Variants in SVEP1 observed in about 807,000 individuals in gnomAD.
SVEP1 encodes sushi, von Willebrand factor type A, EGF and pentraxin domain containing 1.
SVEP1 carries 164 observed loss-of-function variants against 367.3 expected under a neutral mutation model. The ratio of observed to expected loss-of-function variants is 0.45; its 90% CI spans 0.39 to 0.51. The LOEUF (loss-of-function observed/expected upper bound fraction) is 0.51. Ranked by LOEUF, SVEP1 falls within the 20% of genes least tolerant of loss-of-function variation. The pLI is 0.00. For synonymous variants in SVEP1, 1,666 were observed against 1,611.6 expected, an observed-to-expected ratio of 1.03 and a Z score of -0.81; for missense variants, 4,117 against 4,425.3, an observed-to-expected ratio of 0.93 and a Z score of 1.98.
chr9:110,510,323 C>G (rs906016918), intron 5 of SVEP1, among the ~76,000 whole-genome samples: 15 of 152,222 alleles, frequency 9.9e-5, no homozygotes, highest in African/African-American at 3.6e-4. Flanking sequence ...TCTTCTGTTT[C>G]CAAGCTCCTT....
At chr9:110,535,475 T>A (rs940471735) in intron 3 of SVEP1, among the ~76,000 whole-genome samples, 2 of 152,226 alleles carry the variant, frequency 1.3e-5, no homozygotes, top group African/African-American at 4.8e-5. Flanking sequence ...TTTTCTTTTT[T>A]CTTAGGATTG....
intron 43 of SVEP1, among the ~76,000 whole-genome samples, chr9:110,383,672 G>A (rs1452752871): frequency 1.3e-5 from 2 of 152,194 alleles, no homozygotes; most frequent in Non-Finnish European, 2.9e-5. Flanking sequence ...CACTAGTCCA[G>A]CCTGCCTGGA....
At chr9:110,377,433 T>G in intron 44 of SVEP1, 67 bp from the exon 45 acceptor site, 1 of 1,458,542 alleles carries the variant, frequency 6.9e-7, no homozygotes, top group Non-Finnish European at 9.6e-7. Context: ...GAAAATAGAA[T>G]TGCCCCTTTA....
intron 45 of SVEP1, 67 bp downstream of exon 45, chr9:110,377,204 C>A (rs745962049): frequency 2.8e-6 from 4 of 1,446,314 alleles, no homozygotes; most frequent in South Asian, 1.2e-5. Flanking sequence ...TTCCTGGTAA[C>A]TCCCCTCAGG....
chr9:110,494,199 CT>C (rs1829411853), intron 8 of SVEP1, among the ~76,000 whole-genome samples: 7 of 152,166 alleles, frequency 4.6e-5, no homozygotes. Context: ...ACAAGGATAT[CT>C]TTGAGGTAGC....
Position 110,499,112 on chromosome 9 carries a change from C to T in SVEP1, c.1610G>A (p.Gly537Glu). ...VSCRQGFILS[G>E]VKEMLRCTTS... is the part of the protein sequence containing the mutation. ...GGTACATCTCAGCATTTCTTTGACT[C>T]CAGATAAAATGAACCCTTGGCGGCA... The change falls in exon 7 of 48, where the codon GGA (glycine) becomes GAA (glutamate). Residue 537 changes from glycine (G) to glutamate (E), a missense_variant. This residue lies in a region of SVEP1 where 2,174 missense variants were observed against 2,494.3 expected (regional missense o/e 0.87). Coordinates refer to ENST00000374469, the MANE Select transcript of SVEP1 (RefSeq NM_153366.4). 6.2e-7 allele frequency: 1 copy of T among 1,613,760 alleles called. No homozygotes were observed. The highest frequency in any genetic ancestry group is 1.1e-5 in the South Asian group (1 of 91,062).
intron 1 of SVEP1, among the ~76,000 whole-genome samples, chr9:110,555,443 T>G (rs2118861886): frequency 6.6e-6 from 1 of 152,308 alleles, no homozygotes; most frequent in African/African-American, 2.4e-5. Context: ...TATAGTTTTG[T>G]ACACCAAAGA....
chr9:110,570,592 T>C (rs1830544322), intron 1 of SVEP1, among the ~76,000 whole-genome samples: 1 of 151,816 alleles, frequency 6.6e-6, no homozygotes, highest in Admixed American at 6.6e-5. Context: ...GCAATTCTCC[T>C]GCCTCCGTCT....
intron 36 of SVEP1, 52 bp downstream of exon 36, chr9:110,427,539 G>A (rs1828274025): frequency 1.3e-6 from 2 of 1,570,548 alleles, no homozygotes; most frequent in Non-Finnish European, 1.7e-6. Context: ...GCAGTCAGGA[G>A]CATCCACTTC....
intron 38 of SVEP1, 62 bp from the exon 39 acceptor site, chr9:110,404,614 C>G: frequency 6.7e-7 from 1 of 1,499,798 alleles, no homozygotes; most frequent in Non-Finnish European, 9.3e-7. Context: ...CTGATCTATC[C>G]TTGGATTTAG....
At chr9:110,435,880 T>C (rs548530351) in intron 28 of SVEP1, among the ~76,000 whole-genome samples, 1 of 152,298 alleles carries the variant, frequency 6.6e-6, no homozygotes, top group South Asian at 2.1e-4. Flanking sequence ...ATAAGAAAAC[T>C]GAAACTCAGT....
Position 110,407,634 on chromosome 9 carries a change from C to G in SVEP1, c.7966G>C (p.Ala2656Pro). ...VTPHPPYHLG[A>P]VAKTWENTKE... ...GTATTTTCCCAGGTTTTAGCCACTG[C>G]TCCCAAATGATAAGGAGGGTGAGGA... Residue 2656 changes from alanine (A) to proline (P), a missense_variant, in exon 38 of 48, where the codon GCA becomes CCA. Physicochemically the swap from Ala to Pro is conservative, Grantham distance 27. This residue lies in a region of SVEP1 where 1,765 missense variants were observed against 1,781.1 expected (regional missense o/e 0.99). Transcript: ENST00000374469. 6.2e-7 allele frequency: 1 copy of G among 1,613,994 alleles called. No individual in the cohort carries two copies. The highest frequency in any genetic ancestry group is 8.5e-7 in the Non-Finnish European group (1 of 1,179,870).
At chr9:110,435,102 T>G in intron 29 of SVEP1, 139 bp downstream of exon 29, 1 of 901,198 alleles carries the variant, frequency 1.1e-6, no homozygotes, top group Non-Finnish European at 1.5e-6. Context: ...ATAGGGTAAA[T>G]ATGAATTACT....
intron 27 of SVEP1, among the ~76,000 whole-genome samples, chr9:110,437,135 T>C (rs1439496147): frequency 6.6e-6 from 1 of 152,166 alleles, no homozygotes; most frequent in Non-Finnish European, 1.5e-5. Context: ...ATCACCCAGC[T>C]TCCTTGCCCC....
In SVEP1 at chr9:110,574,740, C is replaced by CTTT. The variant is rs1564180524; in HGVS notation, c.531+4272_531+4273insAAA. 1.3e-4 allele frequency among the ~76,000 whole-genome samples: 14 copies of CTTT among 106,338 alleles called. 2 individuals are homozygous for CTTT. Among genetic ancestry groups the CTTT allele is most frequent in the African/African-American group, 1.3e-4 (4 of 30,832 alleles). The allele number at this position is 106,338 out of a possible 152,430, so 69.8% of individuals were successfully genotyped here. The stretch of plus-strand genomic sequence containing the variant: ...TAGACAGGGACTGAGTCCAGTCGAC[C>CTTT]TTCTTTTTTTTTTTTTTTTTTTTTT... On this transcript the variant is annotated intron_variant, in intron 1 of 47. Transcript: ENST00000374469.
In SVEP1 at chr9:110,411,506, G is replaced by C. The variant is rs764299953; in HGVS notation, c.6205C>G (p.Pro2069Ala). 6.2e-7 allele frequency: 1 copy of C among 1,614,052 alleles called. No individual in the cohort carries two copies. Among genetic ancestry groups the C allele is most frequent in the South Asian group, 1.1e-5 (1 of 91,084 alleles). ...LLCNAQGKWV[P>A]PEGQDMPRCI... Reference sequence around the variant, plus strand: ...CGGGGCATGTCTTGACCTTCTGGGGGTACCCACTTGCCCTGGGCATTGCAG... The same window carrying C: ...CGGGGCATGTCTTGACCTTCTGGGGCTACCCACTTGCCCTGGGCATTGCAG... The change falls in exon 37 of 48, where the codon CCC (proline) becomes GCC (alanine). Residue 2069 changes from proline (P) to alanine (A), a missense_variant. Physicochemically the swap from Pro to Ala is conservative, Grantham distance 27. This residue lies in a region of SVEP1 where 2,174 missense variants were observed against 2,494.3 expected (regional missense o/e 0.87). Coordinates refer to ENST00000374469, the MANE Select transcript of SVEP1 (RefSeq NM_153366.4).
rs1328366898 is a variant in SVEP1, at chr9:110,469,078, A to G, written c.3022T>C (p.Tyr1008His). 1 of 1,613,288 alleles carries G rather than the reference A, an allele frequency of 6.2e-7. No homozygotes were observed. ...TCACAGGTGAAATGTTCCAGATTATAATAGGTTCCCAAAGGGCAATTGACT... is the reference window on the plus strand; with the variant it reads ...TCACAGGTGAAATGTTCCAGATTATGATAGGTTCCCAAAGGGCAATTGACT... ...MCVNCPLGTY[Y>H]NLEHFTCESC... is the part of the protein sequence containing the mutation. The change falls in exon 17 of 48, where the codon TAT becomes CAT. Residue 1008 changes from tyrosine (Y) to histidine (H), a missense_variant. Around this residue, in one of 4 missense-constraint regions of SVEP1, gnomAD observed 2,174 missense variants for 2,494.3 expected, o/e 0.87. Coordinates refer to ENST00000374469, the MANE Select transcript of SVEP1 (RefSeq NM_153366.4).
chr9:110,406,125 C>T (rs748592252), intron 38 of SVEP1, 35 bp downstream of exon 38: 36 of 1,516,662 alleles, frequency 2.4e-5, no homozygotes, highest in Middle Eastern at 1.8e-4. Context: ...TAATCCTGCC[C>T]GCACCCCTTG....
At chr9:110,487,294 T>C (rs1443598502) in intron 9 of SVEP1, among the ~76,000 whole-genome samples, 1 of 152,194 alleles carries the variant, frequency 6.6e-6, no homozygotes, top group Non-Finnish European at 1.5e-5. Flanking sequence ...TAAAGTCTAG[T>C]AGTCACTCAA....
Sources: gnomAD v4.1 joint callset for allele counts (sites outside exome capture counted in the v4.1 genomes callset) on GRCh38, gnomAD v4.1.1 for gene constraint, gnomAD v4.1.1 regional missense constraint, MANE v1.5 for transcripts, NCBI Gene and HGNC (gene_info 2026-07-23, HGNC 2026-07-21) for gene names.